MUC5B: variants seen among roughly 807,000 people sequenced by gnomAD.
MUC5B encodes the protein mucin-5B.
MUC5B carries 116 observed loss-of-function variants against 376.9 expected under a neutral mutation model. The observed-to-expected ratio is 0.31, with a 90% CI of 0.26 to 0.36. The LOEUF (loss-of-function observed/expected upper bound fraction) is 0.36. Ranked by LOEUF, MUC5B falls within the 10% of genes least tolerant of loss-of-function variation. MUC5B has a pLI of 1.00. For synonymous variants in MUC5B, 3,517 were observed against 3,390.9 expected (o/e 1.04, Z -1.29); for missense variants, 7,165 against 7,769.9 (o/e 0.92, Z 2.93).
intron 15 of MUC5B, 73 bp from the exon 16 acceptor site, chr11:1,232,377 G>A: frequency 2.7e-6 from 4 of 1,487,552 alleles, no homozygotes; most frequent in Non-Finnish European, 1.8e-6. Flanking sequence ...GGGCTGAGGG[G>A]GTCGCAGGCC....
At position 1,256,160 on chromosome 11, in the gene MUC5B, C is replaced by G. The variant is rs527641420; in HGVS notation, c.16071C>G (p.Leu5357=). 5.9e-5 allele frequency: 43 copies of G among 732,000 alleles called. No individual in the cohort carries two copies. Among genetic ancestry groups the G allele is most frequent in the Admixed American group, 3.6e-4 (19 of 52,146 alleles). 45.3% of individuals were successfully genotyped at this position (732,000 alleles called of 1,614,324 possible). The change falls in exon 38 of 49, where the codon CTC becomes CTG. Residue 5357 remains leucine, a synonymous_variant. Coordinates refer to ENST00000529681, the MANE Select transcript of MUC5B (RefSeq NM_002458.3). ...WRGATGGLCD[L]TCPPTKVYKP... is the part of the protein sequence containing the mutation. ...GACACCTCTCTGTGCCCACAGACCT[C>G]ACCTGCCCACCCACCAAAGTGTACA...
chr11:1,256,845 C>T lies in MUC5B; in HGVS notation c.16237+74C>T, dbSNP rs941558180. ...CACACACAGGGTGGGAGGAGCCGCC[C>T]AGGACCATGATGTGCTCTCCCCTCT... On this transcript the variant is annotated intron_variant, in intron 39 of 48. Transcript: ENST00000529681. 11 of 1,226,458 alleles carry T rather than the reference C, an allele frequency of 9.0e-6. No homozygotes were observed. The Admixed American group carries it at 3.0e-4, about 34-fold the overall frequency. The allele number at this position is 1,226,458 out of a possible 1,614,324, so 76.0% of individuals were successfully genotyped here.
chr11:1,258,513 G>A lies in MUC5B; in HGVS notation c.16593+146G>A, dbSNP rs1480939506. On this transcript the variant is annotated intron_variant, in intron 43 of 48. Coordinates refer to ENST00000529681, the MANE Select transcript of MUC5B (RefSeq NM_002458.3). This position sits in a 1 kb window ranked among gnomAD's most constrained non-coding sequence, Gnocchi z 5.5. ...AGGGGCCCTGGACACGTCAGAGCTG[G>A]GACATGCTTGGGACTCAGGGGCACC... 6.1e-6 allele frequency: 6 copies of A among 984,726 alleles called. No individual in the cohort carries two copies. The African/African-American group carries it at 9.8e-5, about 16-fold the overall frequency. 61.0% of individuals were successfully genotyped at this position (984,726 alleles called of 1,614,324 possible). A position where few individuals can be genotyped will look rare whatever the true frequency, so the allele number is the denominator to read the frequency against.
chr11:1,243,099 T>G lies in MUC5B; in HGVS notation c.6219T>G (p.Pro2073=), dbSNP rs1862337471. Residue 2073 remains proline, a synonymous_variant, in exon 31 of 49, where the codon CCT becomes CCG. Transcript: ENST00000529681. The stretch of plus-strand genomic sequence containing the variant: ...CCAGCCCAGGGACGGCACTCACGCC[T>G]CCAGTGTGGATCAGCACAACCACCA... ...PSSSPGTALT[P]PVWISTTTTP... The G allele has an allele frequency of 6.2e-7, 1 of 1,607,712 alleles. No homozygotes were observed. Among genetic ancestry groups the G allele is most frequent in the African/African-American group, 1.4e-5 (1 of 73,394 alleles).
At position 1,229,781 on chromosome 11, in the gene MUC5B, C is replaced by T. The variant is rs1861979215; in HGVS notation, c.1194C>T (p.Thr398=). ...THGGRTYSPG[T]SFNTTCSSCT... ...GCGGCCGCACCTACAGCCCGGGCAC[C>T]TCCTTCAACACCACCTGCAGCTCCT... Residue 398 remains threonine (T), a synonymous_variant, in exon 10 of 49, where the codon ACC becomes ACT. Transcript: ENST00000529681. 1 of 1,601,680 alleles carries T rather than the reference C, an allele frequency of 6.2e-7. No individual in the cohort carries two copies. The highest frequency in any genetic ancestry group is 8.5e-7 in the Non-Finnish European group (1 of 1,175,522).
chr11:1,246,816 A>G lies in MUC5B; in HGVS notation c.9936A>G (p.Thr3312=), dbSNP rs1285293411. The G allele has an allele frequency of 1.9e-6, 3 of 1,605,214 alleles. No homozygotes were observed. In the African/African-American group the frequency reaches 4.1e-5, roughly 22 times the overall value. ...TAHTTKVPTT[T]TTGFTATPSS... ...ACACTACCAAAGTGCCGACTACCAC[A>G]ACCACGGGCTTCACAGCCACCCCCT... The change falls in exon 31 of 49, where the codon ACA becomes ACG. Residue 3312 remains threonine (T), a synonymous_variant. Coordinates refer to ENST00000529681, the MANE Select transcript of MUC5B (RefSeq NM_002458.3).
chr11:1,258,767 G>T lies in MUC5B; in HGVS notation c.16594-175G>T, dbSNP rs1184211251. ...GCCTGCCCAGATTCCCTGCCCACCT[G>T]TGGTCCCTGTGTGCATCAGCTCCCT... On this transcript the variant is annotated intron_variant, in intron 43 of 48. Transcript: ENST00000529681. This position sits in a 1 kb window ranked among gnomAD's most constrained non-coding sequence, Gnocchi z 5.5. 6.6e-6 allele frequency among the ~76,000 whole-genome samples: 1 copy of T among 151,992 alleles called. No individual in the cohort carries two copies. The highest frequency in any genetic ancestry group is 6.5e-5 in the Admixed American group (1 of 15,278).
At chr11:1,226,144 G>T (rs1012555113) in intron 2 of MUC5B, 61 bp from the exon 3 acceptor site, 2 of 1,485,642 alleles carry the variant, frequency 1.3e-6, no homozygotes, top group African/African-American at 1.4e-5. Flanking sequence ...GGGCCCCGGG[G>T]AGGGTGTCTC....
In MUC5B at chr11:1,246,452, G is replaced by C. The variant is rs766036453; in HGVS notation, c.9572G>C (p.Gly3191Ala). 4 of 1,611,960 alleles carry C rather than the reference G, an allele frequency of 2.5e-6. No individual in the cohort carries two copies. Among genetic ancestry groups the C allele is most frequent in the Non-Finnish European group, 3.4e-6 (4 of 1,179,274 alleles). Residue 3191 changes from glycine (G) to alanine (A), a missense_variant, in exon 31 of 49, where the codon GGC (glycine) becomes GCC (alanine). Physicochemically the swap from Gly to Ala is moderately conservative, Grantham distance 60 (BLOSUM62 0). This residue lies in a region of MUC5B where 939 missense variants were observed against 770.6 expected (regional missense o/e 1.22). Coordinates refer to ENST00000529681, the MANE Select transcript of MUC5B (RefSeq NM_002458.3). ...GCCTCCTCCACCCGGGCAACTGCTGGCACCCTCAAAGTGCTGACCAGCACG... is the reference window on the plus strand; with the variant it reads ...GCCTCCTCCACCCGGGCAACTGCTGCCACCCTCAAAGTGCTGACCAGCACG... ...ATASSTRATA[G>A]TLKVLTSTAT...
rs916166425 is a variant in MUC5B at position 1,234,638 on chromosome 11, C to T, written c.2588C>T (p.Thr863Ile). The change falls in exon 21 of 49, where the codon ACC becomes ATC. Residue 863 changes from threonine to isoleucine, a missense_variant. By Grantham distance (89) the Thr-to-Ile change is moderately conservative. This residue lies in a region of MUC5B where 530 missense variants were observed against 604.0 expected (regional missense o/e 0.88). Transcript: ENST00000529681. This position sits in a 1 kb window ranked among gnomAD's most constrained non-coding sequence, Gnocchi z 6.3. The stretch of plus-strand genomic sequence containing the variant: ...TGCCCCTGTGTGCACAACGAGGCCA[C>T]CTACAAGCCTGGAGAGACCATCAGG... The part of the protein sequence containing the change: ...EDCPCVHNEA[T>I]YKPGETIRVD... 3.9e-6 allele frequency: 6 copies of T among 1,551,588 alleles called. No individual in the cohort carries two copies. Among genetic ancestry groups the T allele is most frequent in the Non-Finnish European group, 5.2e-6 (6 of 1,147,988 alleles).
In MUC5B at chr11:1,240,874, G is replaced by C; in HGVS notation, c.3994G>C (p.Val1332Leu). The C allele has an allele frequency of 6.2e-7, 1 of 1,611,296 alleles. No homozygotes were observed. Among genetic ancestry groups the C allele is most frequent in the Non-Finnish European group, 8.5e-7 (1 of 1,179,466 alleles). Residue 1332 changes from valine to leucine, a missense_variant, in exon 31 of 49, where the codon GTG becomes CTG. This residue lies in a region of MUC5B where 517 missense variants were observed against 545.3 expected (regional missense o/e 0.95). Transcript: ENST00000529681. ...AGGCCCGGCCCTCCCGGTCTCCACCGTGTGTGTCCGCGAGGTCTGCCGCTG... is the reference window on the plus strand; with the variant it reads ...AGGCCCGGCCCTCCCGGTCTCCACCCTGTGTGTCCGCGAGGTCTGCCGCTG... ...TTSPALPVST[V>L]CVREVCRWSS...
chr11:1,242,597 T>C lies in MUC5B; in HGVS notation c.5717T>C (p.Ile1906Thr). The stretch of plus-strand genomic sequence containing the variant: ...TCCTCAACTCCGGGGACGACCTGGA[T>C]CCTCACAAAGCCGACCACAACAGCC... ...TPSSTPGTTW[I>T]LTKPTTTATT... The change falls in exon 31 of 49, where the codon ATC becomes ACC. Residue 1906 changes from isoleucine to threonine, a missense_variant. Physicochemically the swap from Ile to Thr is moderately conservative, Grantham distance 89. Transcript: ENST00000529681. 6.2e-7 allele frequency: 1 copy of C among 1,611,222 alleles called. No homozygotes were observed. The highest frequency in any genetic ancestry group is 8.5e-7 in the Non-Finnish European group (1 of 1,179,108).
rs1223299118 is a variant in MUC5B at position 1,231,423 on chromosome 11, C to T, written c.1541C>T (p.Ala514Val). ...GGCCTCTCCCCCACACTCCCGGCAG[C>T]CAACATCACCCTGTTCACACCCTCG... ...SIYTQLPLSAANITLFTPSSF... is the reference protein window; with the variant it reads ...SIYTQLPLSAVNITLFTPSSF... Residue 514 changes from alanine to valine, a missense_variant and splice_region_variant, in exon 14 of 49, where the codon GCC becomes GTC. Around this residue, in one of 31 missense-constraint regions of MUC5B, gnomAD observed 640 missense variants for 733.0 expected, o/e 0.87. Coordinates refer to ENST00000529681, the MANE Select transcript of MUC5B (RefSeq NM_002458.3). 1.2e-6 allele frequency: 2 copies of T among 1,607,140 alleles called. No homozygotes were observed. Among genetic ancestry groups the T allele is most frequent in the Admixed American group, 1.7e-5 (1 of 59,702 alleles).
intron 32 of MUC5B, 98 bp from the exon 33 acceptor site, chr11:1,252,711 T>C: frequency 1.4e-6 from 2 of 1,470,598 alleles, no homozygotes; most frequent in Non-Finnish European, 1.8e-6. Flanking sequence ...GGCAGGCTCT[T>C]GTGGCCACCC....
Position 1,232,659 on chromosome 11 carries a change from A to T in MUC5B, c.1954A>T (p.Thr652Ser), listed in dbSNP as rs1202725376. The stretch of plus-strand genomic sequence containing the variant: ...ACCTCCGCAGAACTGCATGTTTGAC[A>T]CCTGCAACTGTGAGCGGAGCGAGGA... ...KPFHSNCMFD[T>S]CNCERSEDCL... The change falls in exon 17 of 49, where the codon ACC becomes TCC. Residue 652 changes from threonine to serine, a missense_variant. Physicochemically the swap from Thr to Ser is moderately conservative, Grantham distance 58 (BLOSUM62 1). Transcript: ENST00000529681. 1.1e-5 allele frequency: 17 copies of T among 1,601,740 alleles called. No individual in the cohort carries two copies. The highest frequency in any genetic ancestry group is 1.3e-5 in the African/African-American group (1 of 74,706).
intron 27 of MUC5B, 43 bp from the exon 28 acceptor site, chr11:1,239,756 T>G (rs1295077834): frequency 6.3e-7 from 1 of 1,579,834 alleles, no homozygotes; most frequent in African/African-American, 1.4e-5. Flanking sequence ...CTGGAGAGAC[T>G]AAAGGGCCCT....
chr11:1,247,544 C>A lies in MUC5B; in HGVS notation c.10664C>A (p.Pro3555His). ...AAGACCCGCACCTCGACCCTGCTGC[C>A]CAGCAGCCCCACATCGGCCCCCATA... Reference protein sequence around the residue: ...PSKTRTSTLLPSSPTSAPITT... With the variant: ...PSKTRTSTLLHSSPTSAPITT... The change falls in exon 31 of 49, where the codon CCC becomes CAC. Residue 3555 changes from proline to histidine, a missense_variant. By Grantham distance (77) the Pro-to-His change is moderately conservative. Around this residue, in one of 31 missense-constraint regions of MUC5B, gnomAD observed 939 missense variants for 770.6 expected, o/e 1.22. Transcript: ENST00000529681. 1 of 1,611,032 alleles carries A rather than the reference C, an allele frequency of 6.2e-7. No individual in the cohort carries two copies. Among genetic ancestry groups the A allele is most frequent in the Non-Finnish European group, 8.5e-7 (1 of 1,179,432 alleles).
In MUC5B at chr11:1,244,305, G is replaced by A. The variant is rs748487167; in HGVS notation, c.7425G>A (p.Thr2475=). 12 of 1,602,744 alleles carry A rather than the reference G, an allele frequency of 7.5e-6. No homozygotes were observed. The highest frequency in any genetic ancestry group is 5.5e-5 in the African/African-American group (4 of 72,858). The change falls in exon 31 of 49, where the codon ACG becomes ACA. Residue 2475 remains threonine (T), a synonymous_variant. Transcript: ENST00000529681. ...AGCCGAGCACTACAGCCACCGTGAC[G>A]GTGCCCACCGGATCCACGGCCACCG... is the stretch of plus-strand genomic sequence containing the variant. ...LTEPSTTATV[T]VPTGSTATAS...
Position 1,241,389 on chromosome 11 carries a change from C to T in MUC5B, c.4509C>T (p.Cys1503=). 6.2e-7 allele frequency: 1 copy of T among 1,613,650 alleles called. No homozygotes were observed. The highest frequency in any genetic ancestry group is 8.5e-7 in the Non-Finnish European group (1 of 1,179,662). ...VTPSAPGTTT[C]QPRCQWTEWF... Reference sequence around the variant, plus strand: ...CCTCGGCCCCAGGTACCACCACCTGCCAGCCCCGGTGTCAGTGGACAGAGT... The same window carrying T: ...CCTCGGCCCCAGGTACCACCACCTGTCAGCCCCGGTGTCAGTGGACAGAGT... Residue 1503 remains cysteine, a synonymous_variant, in exon 31 of 49, where the codon TGC becomes TGT. Transcript: ENST00000529681.
Sources: allele counts gnomAD v4.1 joint callset (sites outside exome capture counted in the v4.1 genomes callset), GRCh38; gene constraint gnomAD v4.1.1; regional missense constraint gnomAD v4.1.1; non-coding constraint Gnocchi (gnomAD v3.1); transcripts MANE v1.5; gene names NCBI Gene and HGNC (gene_info 2026-07-23, HGNC 2026-07-21).